The following TBL1XR1 variants were observed in gnomAD, a reference collection of about 807,000 sequenced individuals.
TBL1XR1 encodes the protein F-box-like/WD repeat-containing protein TBL1XR1.
A neutral mutation model predicts 66.9 loss-of-function variants in TBL1XR1; 5 were observed. That is an observed-to-expected ratio of 0.07 (90% CI 0.04 to 0.16). The LOEUF is 0.16. Among genes scored for constraint, TBL1XR1 ranks in the 10% least tolerant of loss-of-function variants. The pLI, the probability that TBL1XR1 is intolerant of heterozygous loss-of-function variation, is 1.00. For missense variants in TBL1XR1, 238 were observed against 623.2 expected, an observed-to-expected ratio of 0.38 and a Z score of 6.58; for synonymous variants, 210 against 206.0, an observed-to-expected ratio of 1.02 and a Z score of -0.17.
At chr3:177,139,104 AACAG>A (rs1224816248) in intron 1 of TBL1XR1, among the ~76,000 whole-genome samples, 11 of 152,252 alleles carry the variant, frequency 7.2e-5, no homozygotes, top group African/African-American at 2.4e-4. Flanking sequence ...GAAATCAGCG[AACAG>A]ACAAACATAT....
chr3:177,030,481 T>A (rs1713825673), intron 14 of TBL1XR1, among the ~76,000 whole-genome samples: 1 of 152,040 alleles, frequency 6.6e-6, no homozygotes, highest in Non-Finnish European at 1.5e-5. Context: ...AAAATAGTAG[T>A]ATATATCATT....
At chr3:177,145,836 G>A (rs1730175119) in intron 1 of TBL1XR1, among the ~76,000 whole-genome samples, 1 of 152,342 alleles carries the variant, frequency 6.6e-6, no homozygotes, top group African/African-American at 2.4e-5. Flanking sequence ...GCAAAGGGCA[G>A]TCTTAGTTTT....
intron 1 of TBL1XR1, among the ~76,000 whole-genome samples, chr3:177,172,322 C>T (rs1733627884): frequency 6.7e-6 from 1 of 148,664 alleles, no homozygotes; most frequent in Admixed American, 6.7e-5. Context: ...ATCCACAAGT[C>T]CACACTGACA....
chr3:177,113,506 A>G (rs1725916281), intron 1 of TBL1XR1, among the ~76,000 whole-genome samples: 2 of 152,138 alleles, frequency 1.3e-5, no homozygotes, highest in Admixed American at 6.5e-5. Context: ...AGACAACTCA[A>G]TAACAAAAAA....
At chr3:177,104,933 TC>T (rs1463324549) in intron 1 of TBL1XR1, among the ~76,000 whole-genome samples, 54 of 152,292 alleles carry the variant, frequency 3.5e-4, no homozygotes, top group African/African-American at 1.3e-3. Context: ...CAGCACAAAC[TC>T]TCTTACAATG....
intron 1 of TBL1XR1, among the ~76,000 whole-genome samples, chr3:177,174,076 A>G (rs1377970952): frequency 6.6e-6 from 1 of 152,156 alleles, no homozygotes; most frequent in African/African-American, 2.4e-5. Context: ...TCACGTGACT[A>G]TTCTCAAATA....
intron 1 of TBL1XR1, among the ~76,000 whole-genome samples, chr3:177,174,296 C>G (rs552475818): frequency 6.7e-6 from 1 of 149,190 alleles, no homozygotes; most frequent in Admixed American, 6.8e-5. Flanking sequence ...GTAGTCCCAG[C>G]TACTGGGGAG....
At chr3:177,053,746 T>A (rs1273242252) in intron 4 of TBL1XR1, 27 bp downstream of exon 4, 3 of 1,598,892 alleles carry the variant, frequency 1.9e-6, no homozygotes, top group Non-Finnish European at 2.6e-6. Context: ...ATGAAAAAAA[T>A]CAGTATTTGA....
intron 15 of TBL1XR1, chr3:177,026,059 T>C (rs1365738682): frequency 2.8e-6 from 1 of 353,130 alleles, no homozygotes; most frequent in Non-Finnish European, 5.1e-6. Flanking sequence ...GAGGAGAAGG[T>C]AGAAATACAC....
chr3:177,157,065 G>T (rs2108874436), intron 1 of TBL1XR1, among the ~76,000 whole-genome samples: 1 of 152,148 alleles, frequency 6.6e-6, no homozygotes, highest in African/African-American at 2.4e-5. Flanking sequence ...TTCCTCTCTG[G>T]GCCAGGCACA....
chr3:177,129,178 T>A lies in TBL1XR1; in HGVS notation c.-121-30637A>T, dbSNP rs543026529. Among the ~76,000 whole-genome samples the A allele has an allele frequency of 1.2e-3, 186 of 152,278 alleles. 1 individual carries two copies. The highest frequency in any genetic ancestry group is 1.5e-3 in the African/African-American group (64 of 41,566). ...ACAAAAAATTGTATTATACTTTTTT[T>A]AAAAATCCTTTATGGCAAGAACTAT... On this transcript the variant is annotated intron_variant, in intron 1 of 15. Coordinates refer to ENST00000457928, the MANE Select transcript of TBL1XR1 (RefSeq NM_024665.7).
At chr3:177,146,769 T>A (rs754980623) in intron 1 of TBL1XR1, among the ~76,000 whole-genome samples, 1 of 151,986 alleles carries the variant, frequency 6.6e-6, no homozygotes, top group Non-Finnish European at 1.5e-5. Flanking sequence ...TTCCTTAAAG[T>A]AAAAGCTCAC....
At chr3:177,113,217 A>C (rs1051746739) in intron 1 of TBL1XR1, among the ~76,000 whole-genome samples, 2 of 123,728 alleles carry the variant, frequency 1.6e-5, no homozygotes, top group Non-Finnish European at 3.6e-5. Flanking sequence ...AAAATTAAAC[A>C]AAAAAAATGG....
In TBL1XR1 at chr3:177,065,000, A is replaced by T; in HGVS notation, c.-23T>A. 1 of 1,517,164 alleles carries T rather than the reference A, an allele frequency of 6.6e-7. No homozygotes were observed. Among genetic ancestry groups the T allele is most frequent in the East Asian group, 2.5e-5 (1 of 39,340 alleles). The allele number at this position is 1,517,164 out of a possible 1,614,324, so 94.0% of individuals were successfully genotyped here. On this transcript the variant is annotated 5_prime_UTR_variant, in exon 3 of 16. Coordinates refer to ENST00000457928, the MANE Select transcript of TBL1XR1 (RefSeq NM_024665.7). ...CATCTTTATTCCCACTTAAACCATG[A>T]GGTCACAACACAGGATATAACCCTA...
chr3:177,108,642 A>G (rs1484354161), intron 1 of TBL1XR1, among the ~76,000 whole-genome samples: 2 of 152,354 alleles, frequency 1.3e-5, no homozygotes, highest in South Asian at 2.1e-4. Flanking sequence ...ATAGTTTAAA[A>G]GGGAGCAAAA....
chr3:177,171,152 C>G (rs1733442531), intron 1 of TBL1XR1, among the ~76,000 whole-genome samples: 1 of 151,304 alleles, frequency 6.6e-6, no homozygotes, highest in Non-Finnish European at 1.5e-5. Flanking sequence ...ACACACCTGA[C>G]CAATATGGAG....
At chr3:177,079,878 T>C (rs1426472728) in intron 2 of TBL1XR1, 1 of 151,802 alleles carries the variant, frequency 6.6e-6, no homozygotes, top group Non-Finnish European at 1.5e-5. Context: ...GGCCGCATGA[T>C]GTAATAGAAA....
chr3:177,030,129 T>TAGAGAG (rs1384413642), intron 14 of TBL1XR1, among the ~76,000 whole-genome samples: 4 of 143,708 alleles, frequency 2.8e-5, no homozygotes, highest in African/African-American at 1.0e-4. Context: ...TGTATATATA[T>TAGAGAG]ATAGAGAGAG....
At chr3:177,125,016 T>C (rs1365470126) in intron 1 of TBL1XR1, among the ~76,000 whole-genome samples, 1 of 151,808 alleles carries the variant, frequency 6.6e-6, no homozygotes, top group Non-Finnish European at 1.5e-5. Flanking sequence ...GATTAGGCAA[T>C]GGTTTCATAG....
Sources: gnomAD v4.1 joint callset for allele counts (sites outside exome capture counted in the v4.1 genomes callset) on GRCh38, gnomAD v4.1.1 for gene constraint, MANE v1.5 for transcripts, NCBI Gene and HGNC (gene_info 2026-07-23, HGNC 2026-07-21) for gene names.